The following AK9 variants were observed in gnomAD, a reference collection of about 807,000 sequenced individuals.
AK9 encodes adenylate kinase domain containing 1.
A neutral mutation model predicts 239.6 loss-of-function variants in AK9; 191 were observed. That is an observed-to-expected ratio of 0.80 (90% CI 0.71 to 0.90). The LOEUF is 0.90. Among genes scored for constraint, AK9 ranks in the 40% least tolerant of loss-of-function variants. AK9 has a pLI of 0.00. For synonymous variants in AK9, 689 were observed against 721.0 expected, an observed-to-expected ratio of 0.96 and a Z score of 0.71; for missense variants, 1,995 against 2,214.7, an observed-to-expected ratio of 0.90 and a Z score of 1.99.
At chr6:109,656,974 C>A (rs1799779199) in intron 7 of AK9, 90 bp from the exon 8 acceptor site, 8 of 1,455,714 alleles carry the variant, frequency 5.5e-6, no homozygotes, top group Non-Finnish European at 7.5e-6. Flanking sequence ...ACCTAGATAT[C>A]ATTTTGGGGT....
At chr6:109,635,093 A>G (rs1796548785) in intron 10 of AK9, among the ~76,000 whole-genome samples, 1 of 152,070 alleles carries the variant, frequency 6.6e-6, no homozygotes, top group South Asian at 2.1e-4. Flanking sequence ...CTAAAACCTC[A>G]CTAAAATGAC....
At chr6:109,498,948 C>A in intron 36 of AK9, 96 bp downstream of exon 36, 1 of 1,116,774 alleles carries the variant, frequency 9.0e-7, no homozygotes, top group South Asian at 2.4e-5. Context: ...GGCTCCTAGT[C>A]CCAAGTTTCT....
At chr6:109,585,562 T>C (rs940943467) in intron 18 of AK9, among the ~76,000 whole-genome samples, 7 of 152,234 alleles carry the variant, frequency 4.6e-5, no homozygotes, top group African/African-American at 1.7e-4. Context: ...TAAATTTATG[T>C]ACCTCATTTT....
chr6:109,506,319 T>C lies in AK9; in HGVS notation c.4849+8A>G. ...TATTTTATTCTACCTTAAAAAGTGC[T>C]ATCTTACCTGCTTTTATTCTTTCCA... On this transcript the variant is annotated splice_region_variant and intron_variant, in intron 35 of 40. Transcript: ENST00000424296. 6.2e-7 allele frequency: 1 copy of C among 1,610,348 alleles called. No homozygotes were observed. Among genetic ancestry groups the C allele is most frequent in the Non-Finnish European group, 8.5e-7 (1 of 1,177,354 alleles).
At chr6:109,511,098 A>C (rs2128109731) in intron 32 of AK9, among the ~76,000 whole-genome samples, 1 of 148,220 alleles carries the variant, frequency 6.7e-6, no homozygotes, top group South Asian at 2.1e-4. Flanking sequence ...ACCAATTTTA[A>C]GGGTTTTCTT....
At chr6:109,632,297 C>A in intron 12 of AK9, 1 of 985,630 alleles carries the variant, frequency 1.0e-6, no homozygotes, top group Non-Finnish European at 1.2e-6. Flanking sequence ...TGATCTTGTG[C>A]CATTCCTTCT....
intron 35 of AK9, among the ~76,000 whole-genome samples, chr6:109,503,186 T>A (rs997106262): frequency 6.6e-6 from 1 of 151,700 alleles, no homozygotes; most frequent in Admixed American, 6.6e-5. Flanking sequence ...TAATATATAG[T>A]ATTATTAAGG....
At chr6:109,494,388 T>A (rs1159511571) in intron 39 of AK9, 1 of 239,846 alleles carries the variant, frequency 4.2e-6, no homozygotes, top group African/African-American at 2.2e-5. Context: ...ACATTTTTTA[T>A]AACAAAAAGT....
At chr6:109,650,250 T>A (rs1246006831) in intron 8 of AK9, among the ~76,000 whole-genome samples, 1 of 151,328 alleles carries the variant, frequency 6.6e-6, no homozygotes, top group Non-Finnish European at 1.5e-5. Flanking sequence ...CTAATTAAAC[T>A]AAAGAGCTTC....
chr6:109,666,002 G>T (rs1801141211), intron 5 of AK9, among the ~76,000 whole-genome samples: 1 of 152,178 alleles, frequency 6.6e-6, no homozygotes, highest in Non-Finnish European at 1.5e-5. Flanking sequence ...ATGTATATTG[G>T]AATGATGTTC....
intron 17 of AK9, among the ~76,000 whole-genome samples, chr6:109,588,157 G>A (rs950111972): frequency 4.6e-5 from 7 of 151,472 alleles, no homozygotes; most frequent in Non-Finnish European, 7.4e-5. Flanking sequence ...TGCAAGCTCC[G>A]CCTCCCGGGT....
chr6:109,577,229 T>C (rs755526652), intron 20 of AK9, among the ~76,000 whole-genome samples: 23 of 152,222 alleles, frequency 1.5e-4, no homozygotes, highest in Non-Finnish European at 2.5e-4. Context: ...ATGCTTTTTC[T>C]GCATCTATTG....
chr6:109,506,948 T>C lies in AK9; in HGVS notation c.4482-148A>G, dbSNP rs1778179686. On this transcript the variant is annotated intron_variant, in intron 33 of 40. Coordinates refer to ENST00000424296, the MANE Select transcript of AK9 (RefSeq NM_001145128.3). Reference sequence around the variant, plus strand: ...TTTATTTTCTTCACACTTTGCCCTCTTCATCTCTACATCTTTAATCTCAGT... The same window carrying C: ...TTTATTTTCTTCACACTTTGCCCTCCTCATCTCTACATCTTTAATCTCAGT... 2.4e-6 allele frequency: 3 copies of C among 1,265,208 alleles called. No homozygotes were observed. The Admixed American group carries it at 9.8e-5, about 42-fold the overall frequency. The allele number at this position is 1,265,208 out of a possible 1,614,324, so 78.4% of individuals were successfully genotyped here. A position where few individuals can be genotyped will look rare whatever the true frequency, so the allele number is the denominator to read the frequency against.
intron 25 of AK9, 66 bp downstream of exon 25, chr6:109,550,024 G>A (rs1784164652): frequency 6.8e-7 from 1 of 1,475,392 alleles, no homozygotes. Context: ...TAAATTGATG[G>A]TGATTGGTAA....
At chr6:109,601,407 T>C (rs1042042999) in intron 17 of AK9, among the ~76,000 whole-genome samples, 1 of 152,236 alleles carries the variant, frequency 6.6e-6, no homozygotes, top group Admixed American at 6.5e-5. Context: ...TTCTTAGTCC[T>C]GAGTTCTAGT....
At chr6:109,497,382 TCTCA>T (rs71018346) in intron 38 of AK9, 79 bp downstream of exon 38, 73,226 of 617,728 alleles carry the variant, frequency 0.12, 7,106 homozygotes, top group Non-Finnish European at 0.13. Context: ...TCTCTCTCTC[TCTCA>T]CACACTCCTC....
intron 24 of AK9, among the ~76,000 whole-genome samples, chr6:109,556,041 C>T (rs901941047): frequency 1.3e-5 from 2 of 152,124 alleles, no homozygotes; most frequent in Admixed American, 6.5e-5. Flanking sequence ...TGACTCTGAT[C>T]CTGTCATCAT....
chr6:109,675,188 T>A (rs1270530183), intron 2 of AK9, among the ~76,000 whole-genome samples: 1 of 152,330 alleles, frequency 6.6e-6, no homozygotes, highest in Non-Finnish European at 1.5e-5. Flanking sequence ...AAGTTTCATA[T>A]GCAAATCAAG....
intron 24 of AK9, among the ~76,000 whole-genome samples, chr6:109,553,667 T>C (rs1362139682): frequency 6.6e-6 from 1 of 152,182 alleles, no homozygotes; most frequent in African/African-American, 2.4e-5. Flanking sequence ...CTTGACTTCC[T>C]CTCTTCCTAT....
Sources: allele counts gnomAD v4.1 joint callset (sites outside exome capture counted in the v4.1 genomes callset), GRCh38; gene constraint gnomAD v4.1.1; transcripts MANE v1.5; gene names NCBI Gene and HGNC (gene_info 2026-07-23, HGNC 2026-07-21).